FAM151B: variants seen among roughly 807,000 people sequenced by gnomAD.
The protein encoded by FAM151B is family with sequence similarity 151 member B.
In FAM151B, 24 loss-of-function variants were observed where a neutral mutation model predicts 31.2. The observed-to-expected ratio is 0.77, with a 90% confidence interval of 0.56 to 1.08. FAM151B has a LOEUF of 1.08. Ranked by LOEUF, FAM151B falls within the 50% of genes least tolerant of loss-of-function variation. The pLI, the probability that FAM151B is intolerant of heterozygous loss-of-function variation, is 0.00. For synonymous variants in FAM151B, 105 were observed against 111.4 expected (o/e 0.94, Z 0.36); for missense variants, 293 against 328.6 (o/e 0.89, Z 0.84).
intron 2 of FAM151B, among the ~76,000 whole-genome samples, chr5:80,507,689 CA>C (rs1206500435): frequency 2.0e-5 from 3 of 152,032 alleles, no homozygotes; most frequent in African/African-American, 7.2e-5. Flanking sequence ...TCAAAACAAA[CA>C]AACAAAAAAC....
intron 5 of FAM151B, among the ~76,000 whole-genome samples, chr5:80,533,731 CA>C (rs951752340): frequency 9.4e-5 from 10 of 105,906 alleles, no homozygotes; most frequent in African/African-American, 3.4e-4. Flanking sequence ...GTCTGGGCAA[CA>C]GAGCGAGACT....
chr5:80,502,299 T>C (rs959745160), intron 2 of FAM151B, among the ~76,000 whole-genome samples: 2 of 152,180 alleles, frequency 1.3e-5, no homozygotes, highest in South Asian at 2.1e-4. Flanking sequence ...TTGCCTGTTA[T>C]GTCTGATTCG....
intron 1 of FAM151B, among the ~76,000 whole-genome samples, chr5:80,493,453 A>G (rs1743394376): frequency 6.6e-6 from 1 of 152,216 alleles, no homozygotes; most frequent in East Asian, 1.9e-4. Flanking sequence ...GAAGATAACC[A>G]TAAGGTTTGA....
chr5:80,498,722 A>G, intron 1 of FAM151B: 1 of 581,708 alleles, frequency 1.7e-6, no homozygotes, highest in Non-Finnish European at 3.3e-6. Context: ...TCTTGTGTTT[A>G]TTATTCTTGG....
At chr5:80,500,380 C>G in intron 1 of FAM151B, 1 of 1,222,880 alleles carries the variant, frequency 8.2e-7, no homozygotes, top group East Asian at 2.3e-5. Flanking sequence ...TGCCAGAAAC[C>G]CTTAAGAAAA....
intron 3 of FAM151B, among the ~76,000 whole-genome samples, chr5:80,516,153 C>T (rs370530014): frequency 7.9e-5 from 12 of 152,200 alleles, no homozygotes; most frequent in South Asian, 6.2e-4. Flanking sequence ...GGAGAAACCC[C>T]GTTTCTACTA....
intron 2 of FAM151B, among the ~76,000 whole-genome samples, chr5:80,503,425 C>T (rs937153356): frequency 4.0e-5 from 6 of 151,852 alleles, no homozygotes; most frequent in East Asian, 1.9e-4. Context: ...AAAAATTAGC[C>T]GGGCATGGTG....
At chr5:80,515,936 T>C (rs1234478551) in intron 3 of FAM151B, among the ~76,000 whole-genome samples, 3 of 152,244 alleles carry the variant, frequency 2.0e-5, no homozygotes, top group African/African-American at 7.2e-5. Context: ...CTGCACTCAC[T>C]CCCTTTGTAA....
rs902147348 is a variant in FAM151B, at chr5:80,497,430, C to A, written c.26-4362C>A. Among the ~76,000 whole-genome samples the A allele has an allele frequency of 1.6e-3, 225 of 145,118 alleles. 2 individuals carry two copies. Among genetic ancestry groups the A allele is most frequent in the African/African-American group, 4.6e-3 (183 of 39,744 alleles). The stretch of plus-strand genomic sequence containing the variant: ...ACTCCGGCTCAAAAAAAAAAAAAAA[C>A]AAAAACAATAAAAAAACTACTCAAA... On this transcript the variant is annotated intron_variant, in intron 1 of 5. Coordinates refer to ENST00000282226, the MANE Select transcript of FAM151B (RefSeq NM_205548.3).
intron 5 of FAM151B, among the ~76,000 whole-genome samples, chr5:80,538,774 T>C (rs1297741802): frequency 2.0e-5 from 3 of 151,708 alleles, no homozygotes; most frequent in African/African-American, 4.8e-5. Context: ...TTTTTTTTTA[T>C]CTTTAGTGGA....
At chr5:80,536,466 G>A (rs1224594969) in intron 5 of FAM151B, among the ~76,000 whole-genome samples, 4 of 151,904 alleles carry the variant, frequency 2.6e-5, no homozygotes, top group Non-Finnish European at 5.9e-5. Context: ...GTGAGCCACC[G>A]TGCCCAGACA....
chr5:80,514,979 C>T (rs1301726913), intron 3 of FAM151B, among the ~76,000 whole-genome samples: 4 of 152,136 alleles, frequency 2.6e-5, no homozygotes, highest in African/African-American at 9.7e-5. Context: ...GTGGCTCACG[C>T]TTGTAATCCC....
rs144461125 is a variant in FAM151B, at chr5:80,492,395, A to C, written c.25+4247A>C. ...TTGTTTTGGGGCACCACAAAGTCAA[A>C]CTTAATCTGTAAATGTGGTGTGTGA... On this transcript the variant is annotated intron_variant, in intron 1 of 5. Coordinates refer to ENST00000282226, the MANE Select transcript of FAM151B (RefSeq NM_205548.3). Among the ~76,000 whole-genome samples, 116 of 152,304 alleles carry C rather than the reference A, an allele frequency of 7.6e-4. No individual in the cohort carries two copies. The Middle Eastern group carries it at 0.01, about 13-fold the overall frequency.
intron 1 of FAM151B, among the ~76,000 whole-genome samples, chr5:80,490,280 C>A (rs1327277697): frequency 6.6e-6 from 1 of 152,002 alleles, no homozygotes; most frequent in Non-Finnish European, 1.5e-5. Context: ...GTGGACCCAG[C>A]CACTCAGGAG....
rs938218685 is a variant in FAM151B, at chr5:80,513,597, T to C, written c.152-7T>C. ...TAGCATTAACTGAAGTTCTTTTATT[T>C]GGACAGGTACTGCTCACATGATAGA... On this transcript the variant is annotated splice_region_variant and splice_polypyrimidine_tract_variant and intron_variant, in intron 2 of 5. Coordinates refer to ENST00000282226, the MANE Select transcript of FAM151B (RefSeq NM_205548.3). The C allele has an allele frequency of 1.2e-6, 2 of 1,603,420 alleles. No individual in the cohort carries two copies. The highest frequency in any genetic ancestry group is 2.7e-5 in the African/African-American group (2 of 74,456).
intron 2 of FAM151B, among the ~76,000 whole-genome samples, chr5:80,510,101 G>A (rs756388603): frequency 6.6e-6 from 1 of 152,154 alleles, no homozygotes; most frequent in Non-Finnish European, 1.5e-5. Context: ...ATCTATTGCT[G>A]TGTAATAGAA....
intron 5 of FAM151B, among the ~76,000 whole-genome samples, chr5:80,538,468 T>TCTCTCTCTCTC (rs1561383757): frequency 1.7e-5 from 2 of 115,246 alleles, no homozygotes; most frequent in African/African-American, 3.6e-5. Context: ...CTTTCTTTCT[T>TCTCTCTCTCTC]TCTTTCTTTC....
chr5:80,529,551 C>T lies in FAM151B; in HGVS notation c.671+7413C>T, dbSNP rs146818509. 4.8e-3 allele frequency among the ~76,000 whole-genome samples: 733 copies of T among 152,036 alleles called. 6 individuals are homozygous for T. The highest frequency in any genetic ancestry group is 0.016 in the African/African-American group (657 of 41,490). On this transcript the variant is annotated intron_variant, in intron 5 of 5. Transcript: ENST00000282226. Reference sequence around the variant, plus strand: ...ATAGACGCAATAAAAAATGATAAAGCGGATATCACCACTGATCCCACAGAA... The same window carrying T: ...ATAGACGCAATAAAAAATGATAAAGTGGATATCACCACTGATCCCACAGAA...
chr5:80,530,390 A>C (rs888134363), intron 5 of FAM151B, among the ~76,000 whole-genome samples: 10 of 152,252 alleles, frequency 6.6e-5, no homozygotes, highest in Non-Finnish European at 1.3e-4. Context: ...GGCCAGGGCA[A>C]TCAGGCAGGA....
Sources: allele counts gnomAD v4.1 joint callset (sites outside exome capture counted in the v4.1 genomes callset), GRCh38; gene constraint gnomAD v4.1.1; transcripts MANE v1.5; gene names NCBI Gene and HGNC (gene_info 2026-07-23, HGNC 2026-07-21).